The following ADAMTS12 variants were observed in gnomAD, a reference collection of about 807,000 sequenced individuals.
ADAMTS12 encodes the protein ADAM metallopeptidase with thrombospondin type 1 motif 12.
A neutral mutation model predicts 167.8 loss-of-function variants in ADAMTS12; 118 were observed. That is an observed-to-expected ratio of 0.70 (90% CI 0.61 to 0.82). The LOEUF is 0.82. Ranked by LOEUF, ADAMTS12 falls within the 40% of genes least tolerant of loss-of-function variation. The probability of loss-of-function intolerance (pLI) is 0.00; values close to 1 mark genes in which losing one functional copy is unlikely to be tolerated. For missense variants in ADAMTS12, 1,916 were observed against 1,998.8 expected (o/e 0.96, Z 0.79); for synonymous variants, 704 against 716.9 (o/e 0.98, Z 0.29).
intron 20 of ADAMTS12, among the ~76,000 whole-genome samples, chr5:33,556,267 T>C (rs373463604): frequency 6.6e-6 from 1 of 152,312 alleles, no homozygotes; most frequent in African/African-American, 2.4e-5. Flanking sequence ...TCATGCCAGA[T>C]ACATCTGATT....
At chr5:33,598,803 C>T (rs559663151) in intron 16 of ADAMTS12, among the ~76,000 whole-genome samples, 2 of 152,206 alleles carry the variant, frequency 1.3e-5, no homozygotes, top group Admixed American at 6.5e-5. Context: ...TGCTCTTCTA[C>T]AACATGACCT....
intron 2 of ADAMTS12, among the ~76,000 whole-genome samples, chr5:33,804,200 C>T (rs1340673471): frequency 6.6e-6 from 1 of 152,180 alleles, no homozygotes; most frequent in Non-Finnish European, 1.5e-5. Context: ...TTAAGTTATT[C>T]ATATATATTC....
chr5:33,806,541 C>T (rs188514814), intron 2 of ADAMTS12, among the ~76,000 whole-genome samples: 129 of 152,324 alleles, frequency 8.5e-4, no homozygotes, highest in Admixed American at 3.6e-3. Flanking sequence ...CAAGGAGTCT[C>T]GGCTTTGGTC....
intron 5 of ADAMTS12, among the ~76,000 whole-genome samples, chr5:33,676,703 C>CACACAT (rs1337685294): frequency 6.7e-6 from 1 of 149,798 alleles, no homozygotes; most frequent in African/African-American, 2.5e-5. Flanking sequence ...CACACACACA[C>CACACAT]ACACAGAGAG....
chr5:33,795,275 C>T (rs1192567328), intron 2 of ADAMTS12, among the ~76,000 whole-genome samples: 1 of 152,086 alleles, frequency 6.6e-6, no homozygotes, highest in Admixed American at 6.6e-5. Context: ...ATTAGGCTGG[C>T]GAATTCAGTG....
In ADAMTS12 at chr5:33,643,391, C is replaced by T. The variant is rs749660025; in HGVS notation, c.1559G>A (p.Cys520Tyr). 3.7e-6 allele frequency: 6 copies of T among 1,614,168 alleles called. No homozygotes were observed. The highest frequency in any genetic ancestry group is 8.5e-7 in the Non-Finnish European group (1 of 1,179,988). ...KLDAAADGTQ[C>Y]GEKKWCMAGK... ...CTGACGCATCACCTTCTTCTCACCA[C>T]ATTGAGTTCCATCTGCAGCAGCGTC... Residue 520 changes from cysteine (C) to tyrosine (Y), a missense_variant, in exon 10 of 24, where the codon TGT (cysteine) becomes TAT (tyrosine). Transcript: ENST00000504830.
At chr5:33,808,899 T>G (rs1747339290) in intron 2 of ADAMTS12, among the ~76,000 whole-genome samples, 1 of 152,220 alleles carries the variant, frequency 6.6e-6, no homozygotes, top group Non-Finnish European at 1.5e-5. Context: ...CCCTTGACCC[T>G]CTGTTTCCTG....
chr5:33,564,552 G>T (rs1230769763), intron 19 of ADAMTS12, among the ~76,000 whole-genome samples: 1 of 152,192 alleles, frequency 6.6e-6, no homozygotes, highest in African/African-American at 2.4e-5. Flanking sequence ...CATGTCTTGT[G>T]CAACAGTGTG....
intron 16 of ADAMTS12, among the ~76,000 whole-genome samples, chr5:33,604,216 A>G (rs1203184464): frequency 6.6e-6 from 1 of 152,238 alleles, no homozygotes; most frequent in Non-Finnish European, 1.5e-5. Flanking sequence ...ATAAACTAGG[A>G]ATAGAAGAAA....
At chr5:33,821,017 T>C (rs1331888023) in intron 2 of ADAMTS12, among the ~76,000 whole-genome samples, 1 of 152,098 alleles carries the variant, frequency 6.6e-6, no homozygotes, top group Non-Finnish European at 1.5e-5. Flanking sequence ...AAATAACTAA[T>C]GGGTACTACC....
At chr5:33,539,470 A>G (rs559248535) in intron 22 of ADAMTS12, among the ~76,000 whole-genome samples, 63 of 152,318 alleles carry the variant, frequency 4.1e-4, no homozygotes, top group Non-Finnish European at 6.5e-4. Context: ...GCTCTAGGAA[A>G]AGCCAGAGAA....
intron 2 of ADAMTS12, among the ~76,000 whole-genome samples, chr5:33,848,892 A>C (rs1287782103): frequency 2.6e-5 from 4 of 152,146 alleles, no homozygotes; most frequent in African/African-American, 9.6e-5. Context: ...TAATGTGTAT[A>C]TATTATACAC....
intron 5 of ADAMTS12, among the ~76,000 whole-genome samples, chr5:33,669,652 T>C (rs138999106): frequency 3.6e-4 from 54 of 151,860 alleles, no homozygotes; most frequent in African/African-American, 1.3e-3. Context: ...GAAGGTGTAG[T>C]ATTAAAAAAA....
chr5:33,779,910 A>C (rs1390499616), intron 2 of ADAMTS12, among the ~76,000 whole-genome samples: 1 of 152,192 alleles, frequency 6.6e-6, no homozygotes, highest in African/African-American at 2.4e-5. Flanking sequence ...ATAGTTAATA[A>C]TAACTATAAC....
At chr5:33,828,873 C>T (rs1053265534) in intron 2 of ADAMTS12, among the ~76,000 whole-genome samples, 7 of 152,092 alleles carry the variant, frequency 4.6e-5, no homozygotes, top group Non-Finnish European at 7.4e-5. Flanking sequence ...GTAGATTCTG[C>T]CCTGAACATC....
intron 20 of ADAMTS12, among the ~76,000 whole-genome samples, chr5:33,557,537 G>A (rs150641590): frequency 2.1e-3 from 316 of 152,304 alleles, no homozygotes; most frequent in African/African-American, 7.0e-3. Context: ...AGCTAAGGCA[G>A]GAGTATTGTT....
At chr5:33,795,546 A>G (rs1241196355) in intron 2 of ADAMTS12, among the ~76,000 whole-genome samples, 1 of 152,216 alleles carries the variant, frequency 6.6e-6, no homozygotes, top group Non-Finnish European at 1.5e-5. Context: ...TCATACGAAC[A>G]ACCTTAAGAA....
chr5:33,683,189 A>C lies in ADAMTS12; in HGVS notation c.832-88T>G. 5.8e-6 allele frequency: 6 copies of C among 1,035,458 alleles called. No individual in the cohort carries two copies. In the South Asian group the frequency reaches 9.4e-5, roughly 16 times the overall value. The allele number at this position is 1,035,458 out of a possible 1,614,324, so 64.1% of individuals were successfully genotyped here. A position where few individuals can be genotyped will look rare whatever the true frequency, so the allele number is the denominator to read the frequency against. The stretch of plus-strand genomic sequence containing the variant: ...AGAAAATAGCATTGTAATGCACATA[A>C]AATAAAGGTTTTCTTATAGGTCAGA... On this transcript the variant is annotated intron_variant, in intron 4 of 23. Transcript: ENST00000504830.
intron 14 of ADAMTS12, among the ~76,000 whole-genome samples, chr5:33,618,007 C>T (rs910829591): frequency 2.6e-5 from 4 of 152,154 alleles, no homozygotes; most frequent in African/African-American, 4.8e-5. Context: ...TGAGCCCCTA[C>T]GCAAGTAAAA....
Sources: allele counts gnomAD v4.1 joint callset (sites outside exome capture counted in the v4.1 genomes callset), GRCh38; gene constraint gnomAD v4.1.1; transcripts MANE v1.5; gene names NCBI Gene and HGNC (gene_info 2026-07-23, HGNC 2026-07-21).